The following NAV3 variants were observed in gnomAD, a reference collection of about 807,000 sequenced individuals.
NAV3 encodes pore membrane and/or filament interacting like protein 1.
NAV3 carries 87 observed loss-of-function variants against 244.7 expected under a neutral mutation model. The observed-to-expected ratio is 0.36, with a 90% CI of 0.30 to 0.42. The LOEUF is 0.42. Ranked by LOEUF, NAV3 falls within the 20% of genes least tolerant of loss-of-function variation. The pLI is 1.00. For synonymous variants in NAV3, 1,126 were observed against 1,042.2 expected (o/e 1.08, Z -1.55); for missense variants, 2,663 against 2,893.3 (o/e 0.92, Z 1.83).
intron 5 of NAV3, among the ~76,000 whole-genome samples, chr12:77,989,469 C>CCAAA (rs1229185865): frequency 6.6e-6 from 1 of 151,130 alleles, no homozygotes; most frequent in Admixed American, 6.6e-5. Context: ...AACCAACCAA[C>CCAAA]CAAACAAACA....
intron 12 of NAV3, among the ~76,000 whole-genome samples, chr12:78,090,056 A>G (rs1356719224): frequency 6.6e-6 from 1 of 152,012 alleles, no homozygotes; most frequent in African/African-American, 2.4e-5. Flanking sequence ...CAAAATTAGA[A>G]TCATTATCTA....
chr12:77,809,158 A>G (rs1872153991), intron 2 of NAV3, among the ~76,000 whole-genome samples: 1 of 152,198 alleles, frequency 6.6e-6, no homozygotes, highest in Admixed American at 6.5e-5. Flanking sequence ...CCCTGGCTTC[A>G]GCCCCCTTTC....
chr12:77,628,439 C>T (rs73425570), intron 2 of NAV3, among the ~76,000 whole-genome samples: 18,162 of 152,154 alleles, frequency 0.12, 2,006 homozygotes, highest in African/African-American at 0.29. Flanking sequence ...AAATAGATTA[C>T]TGTTGCTTAA....
intron 1 of NAV3, among the ~76,000 whole-genome samples, chr12:77,888,182 G>T (rs1248970288): frequency 6.6e-6 from 1 of 152,030 alleles, no homozygotes; most frequent in African/African-American, 2.4e-5. Flanking sequence ...AACTAAAGTG[G>T]TTATCATTGT....
At chr12:78,037,392 T>G in intron 9 of NAV3, 1 of 688,928 alleles carries the variant, frequency 1.5e-6, no homozygotes, top group African/African-American at 1.8e-5. Context: ...ATTAGGTAAG[T>G]CCAATTTGCT....
intron 2 of NAV3, among the ~76,000 whole-genome samples, chr12:77,817,037 C>A (rs1872554118): frequency 6.6e-6 from 1 of 152,146 alleles, no homozygotes; most frequent in Non-Finnish European, 1.5e-5. Context: ...TCTGGTAGTT[C>A]TTTTTCATTT....
At chr12:78,107,840 G>T (rs188462079) in intron 12 of NAV3, among the ~76,000 whole-genome samples, 134 of 151,990 alleles carry the variant, frequency 8.8e-4, no homozygotes, top group South Asian at 2.7e-3. Context: ...CTAAAGGGAG[G>T]TATCAAATGT....
At chr12:78,053,587 A>G (rs73141928) in intron 11 of NAV3, among the ~76,000 whole-genome samples, 1 of 152,300 alleles carries the variant, frequency 6.6e-6, no homozygotes, top group Non-Finnish European at 1.5e-5. Flanking sequence ...TGTGAGATGC[A>G]TTGAAGACTG....
At chr12:77,945,313 T>C (rs1391418608) in intron 3 of NAV3, among the ~76,000 whole-genome samples, 1 of 152,126 alleles carries the variant, frequency 6.6e-6, no homozygotes, top group South Asian at 2.1e-4. Flanking sequence ...GAAGATTTGA[T>C]ATTGGAAAAC....
chr12:77,968,039 A>G (rs1892667131), intron 4 of NAV3, among the ~76,000 whole-genome samples: 1 of 152,200 alleles, frequency 6.6e-6, no homozygotes, highest in Non-Finnish European at 1.5e-5. Context: ...ATTGCAACAA[A>G]TCCAGTTGGT....
At chr12:78,015,495 T>A (rs1228070476) in intron 8 of NAV3, among the ~76,000 whole-genome samples, 1 of 45,676 alleles carries the variant, frequency 2.2e-5, no homozygotes, top group Non-Finnish European at 6.7e-5. Context: ...ATTAAATGTA[T>A]TTTTTTTGTC....
chr12:78,087,880 T>C (rs953764827), intron 12 of NAV3, among the ~76,000 whole-genome samples: 1 of 151,928 alleles, frequency 6.6e-6, no homozygotes, highest in Non-Finnish European at 1.5e-5. Context: ...TATTCACTTA[T>C]AGATCAACAT....
At position 77,636,460 on chromosome 12, in the gene NAV3, G is replaced by A. The variant is rs561227112; in HGVS notation, c.72+64194G>A. On this transcript the variant is annotated intron_variant, in intron 2 of 8. Coordinates refer to the NAV3 transcript ENST00000550042. The stretch of plus-strand genomic sequence containing the variant: ...GGCCTGGGCAGCAGTGCCAGACACC[G>A]TCTCAAAAAAAAAAAAAAAAAAAAG... 2.0e-3 allele frequency among the ~76,000 whole-genome samples: 245 copies of A among 123,836 alleles called. 1 individual carries two copies. The highest frequency in any genetic ancestry group is 4.1e-3 in the Admixed American group (48 of 11,842). The allele number at this position is 123,836 out of a possible 152,430, so 81.2% of individuals were successfully genotyped here.
chr12:77,668,323 A>G (rs1042214536), intron 2 of NAV3, among the ~76,000 whole-genome samples: 2 of 152,230 alleles, frequency 1.3e-5, no homozygotes, highest in African/African-American at 4.8e-5. Context: ...ATGGTCGACT[A>G]TTAAGCTAAT....
At chr12:77,782,273 C>A (rs945361839) in intron 2 of NAV3, among the ~76,000 whole-genome samples, 2 of 150,962 alleles carry the variant, frequency 1.3e-5, no homozygotes, top group African/African-American at 4.9e-5. Context: ...CCCTTGCCTC[C>A]CTTCCCGTCC....
At chr12:78,191,628 A>G (rs2139902344) in intron 34 of NAV3, among the ~76,000 whole-genome samples, 1 of 152,314 alleles carries the variant, frequency 6.6e-6, no homozygotes, top group African/African-American at 2.4e-5. Flanking sequence ...ATCTAAAGAA[A>G]GACATAGAAC....
chr12:77,664,767 C>T (rs1873639927), intron 2 of NAV3, among the ~76,000 whole-genome samples: 1 of 152,064 alleles, frequency 6.6e-6, no homozygotes. Flanking sequence ...ACCAAGAAAA[C>T]CTGACCTTCA....
At chr12:78,116,713 G>C in intron 12 of NAV3, 59 bp from the exon 13 acceptor site, 1 of 1,416,300 alleles carries the variant, frequency 7.1e-7, no homozygotes, top group South Asian at 1.8e-5. Context: ...TGGAAATGTA[G>C]GTGACTTGCA....
At chr12:77,730,290 CAGA>C (rs1233044162) in intron 2 of NAV3, among the ~76,000 whole-genome samples, 1 of 151,336 alleles carries the variant, frequency 6.6e-6, no homozygotes, top group African/African-American at 2.4e-5. Flanking sequence ...CTGATATGCT[CAGA>C]GGAAAAATAA....
Sources: gnomAD v4.1 joint callset for allele counts (sites outside exome capture counted in the v4.1 genomes callset) on GRCh38, gnomAD v4.1.1 for gene constraint, MANE v1.5 for transcripts, NCBI Gene and HGNC (gene_info 2026-07-23, HGNC 2026-07-21) for gene names.